Variants in SDK1 observed in about 807,000 individuals in gnomAD.
SDK1 encodes protein sidekick-1.
SDK1 carries 157 observed loss-of-function variants against 245.5 expected under a neutral mutation model. The ratio of observed to expected loss-of-function variants is 0.64; its 90% CI spans 0.56 to 0.73. The LOEUF (loss-of-function observed/expected upper bound fraction) is 0.73. SDK1 is among the 30% of genes least tolerant of loss of function. The pLI is 0.00. For synonymous variants in SDK1, 1,647 were observed against 1,278.5 expected (o/e 1.29, Z -6.15); for missense variants, 3,583 against 3,002.3 (o/e 1.19, Z -4.52).
chr7:4,111,447 A>C (rs572484829), intron 23 of SDK1, among the ~76,000 whole-genome samples: 1 of 152,186 alleles, frequency 6.6e-6, no homozygotes, highest in Admixed American at 6.5e-5. Flanking sequence ...AAGAATAGGA[A>C]TTAGTAATTC....
chr7:3,647,388 G>C (rs1369597010), intron 4 of SDK1, among the ~76,000 whole-genome samples: 1 of 152,184 alleles, frequency 6.6e-6, no homozygotes, highest in African/African-American at 2.4e-5. Flanking sequence ...TACAGGGCCA[G>C]AGTCTCTTGC....
In SDK1 at chr7:4,127,361, A is replaced by T. The variant is rs752654021; in HGVS notation, c.3824-20A>T. The T allele has an allele frequency of 1.1e-5, 17 of 1,578,926 alleles. No homozygotes were observed. Among genetic ancestry groups the T allele is most frequent in the Non-Finnish European group, 1.5e-5 (17 of 1,148,030 alleles). On this transcript the variant is annotated intron_variant, in intron 25 of 44. Transcript: ENST00000404826. ...CACTCTAGATTTTGGATGCTAATCT[A>T]CTTCATTGGTTCTTTGCAGTTCCTT...
intron 4 of SDK1, among the ~76,000 whole-genome samples, chr7:3,763,940 AG>A (rs1780178782): frequency 1.3e-5 from 2 of 152,194 alleles, no homozygotes; most frequent in Admixed American, 1.3e-4. Context: ...CTGTTACCTC[AG>A]ACAGTTCTCT....
chr7:3,350,637 A>G (rs1780634944), intron 1 of SDK1, among the ~76,000 whole-genome samples: 1 of 152,238 alleles, frequency 6.6e-6, no homozygotes, highest in Admixed American at 6.5e-5. Flanking sequence ...CCACAAGACT[A>G]ACAGTCTTAC....
chr7:3,834,438 G>T (rs1381937372), intron 5 of SDK1, among the ~76,000 whole-genome samples: 1 of 152,208 alleles, frequency 6.6e-6, no homozygotes, highest in Non-Finnish European at 1.5e-5. Flanking sequence ...CCGAAGCACA[G>T]GCAAGGGAAC....
intron 13 of SDK1, 178 bp downstream of exon 13, chr7:3,974,723 T>TCAA: frequency 1.8e-6 from 1 of 569,170 alleles, no homozygotes; most frequent in South Asian, 2.7e-5. Flanking sequence ...GTGGTTTCTT[T>TCAA]CAACTTCGGA....
At chr7:4,170,782 C>G (rs919859477) in intron 32 of SDK1, among the ~76,000 whole-genome samples, 11 of 152,152 alleles carry the variant, frequency 7.2e-5, no homozygotes, top group African/African-American at 2.7e-4. Context: ...GTCTGACATG[C>G]CCAGCCCTAA....
intron 40 of SDK1, among the ~76,000 whole-genome samples, chr7:4,232,582 C>T (rs537209840): frequency 7.0e-4 from 107 of 152,092 alleles, no homozygotes; most frequent in African/African-American, 2.3e-3. Flanking sequence ...CCTGCTTCAG[C>T]CTCTTGAGTA....
intron 5 of SDK1, among the ~76,000 whole-genome samples, chr7:3,875,564 C>A (rs984022147): frequency 1.3e-5 from 2 of 152,192 alleles, no homozygotes; most frequent in South Asian, 4.1e-4. Flanking sequence ...GGTAGGCGTC[C>A]CCTCTTTATC....
chr7:3,359,721 C>T (rs1780902085), intron 1 of SDK1, among the ~76,000 whole-genome samples: 1 of 152,144 alleles, frequency 6.6e-6, no homozygotes, highest in African/African-American at 2.4e-5. Context: ...TTGTGAACCT[C>T]ACTTTCAGGA....
chr7:3,439,131 G>A (rs771039802), intron 1 of SDK1, among the ~76,000 whole-genome samples: 5 of 152,124 alleles, frequency 3.3e-5, no homozygotes, highest in Admixed American at 1.3e-4. Flanking sequence ...GGGATTACAG[G>A]TGTGAATCAC....
intron 22 of SDK1, among the ~76,000 whole-genome samples, chr7:4,091,124 C>G (rs4618588): frequency 9.9e-5 from 15 of 152,082 alleles, no homozygotes; most frequent in African/African-American, 3.6e-4. Flanking sequence ...TTATCAAAGT[C>G]TAACATGACT....
chr7:4,079,385 G>T lies in SDK1; in HGVS notation c.3203-78G>T. On this transcript the variant is annotated intron_variant, in intron 21 of 44. Coordinates refer to ENST00000404826, the MANE Select transcript of SDK1 (RefSeq NM_152744.4). ...AATCGTTTTGAAACTGTTTACTTTT[G>T]AAGCTGACACGTTTGATACCTTTCC... 42 of 1,520,894 alleles carry T rather than the reference G, an allele frequency of 2.8e-5. No homozygotes were observed. The African/African-American group carries it at 4.8e-4, about 17-fold the overall frequency. The allele number at this position is 1,520,894 out of a possible 1,614,324, so 94.2% of individuals were successfully genotyped here.
intron 28 of SDK1, among the ~76,000 whole-genome samples, chr7:4,143,909 C>T (rs1057333104): frequency 6.6e-5 from 10 of 152,230 alleles, no homozygotes; most frequent in African/African-American, 2.2e-4. Flanking sequence ...TGCAGGGATG[C>T]AGCAGGGTCC....
At position 4,110,724 on chromosome 7, in the gene SDK1, A is replaced by T; in HGVS notation, c.3386A>T (p.Asp1129Val). ...CTCTATGAAGAGGAGAATGAGCCTGATGCCCAGATGCTGGAGATCCCAAAC... is the reference window on the plus strand; with the variant it reads ...CTCTATGAAGAGGAGAATGAGCCTGTTGCCCAGATGCTGGAGATCCCAAAC... ...VTLYEEENEP[D>V]AQMLEIPNLT... The change falls in exon 23 of 45, where the codon GAT becomes GTT. Residue 1129 changes from aspartate to valine, a missense_variant. Coordinates refer to ENST00000404826, the MANE Select transcript of SDK1 (RefSeq NM_152744.4). 1 of 1,614,024 alleles carries T rather than the reference A, an allele frequency of 6.2e-7. No homozygotes were observed. The highest frequency in any genetic ancestry group is 8.5e-7 in the Non-Finnish European group (1 of 1,179,944).
intron 1 of SDK1, among the ~76,000 whole-genome samples, chr7:3,561,228 C>G (rs2128626181): frequency 6.6e-6 from 1 of 152,262 alleles, no homozygotes; most frequent in East Asian, 1.9e-4. Context: ...TTTTACTCTC[C>G]TTGTTTTTCT....
chr7:3,927,794 A>G (rs1172748554), intron 5 of SDK1, among the ~76,000 whole-genome samples: 3 of 152,268 alleles, frequency 2.0e-5, no homozygotes, highest in African/African-American at 4.8e-5. Flanking sequence ...ACTTCTCCGC[A>G]GGAACCTGGC....
At chr7:3,508,496 T>A (rs1222164589) in intron 1 of SDK1, among the ~76,000 whole-genome samples, 1 of 151,824 alleles carries the variant, frequency 6.6e-6, no homozygotes, top group South Asian at 2.1e-4. Flanking sequence ...CCTGACTAAT[T>A]GTTGTATTTT....
chr7:3,479,636 G>A (rs1358259657), intron 1 of SDK1, among the ~76,000 whole-genome samples: 1 of 151,710 alleles, frequency 6.6e-6, no homozygotes, highest in Non-Finnish European at 1.5e-5. Flanking sequence ...GGTCGAGGTG[G>A]GGGGATCATG....
Sources: gnomAD v4.1 joint callset for allele counts (sites outside exome capture counted in the v4.1 genomes callset) on GRCh38, gnomAD v4.1.1 for gene constraint, MANE v1.5 for transcripts, NCBI Gene and HGNC (gene_info 2026-07-23, HGNC 2026-07-21) for gene names.